The following ASXL3 variants were observed in gnomAD, a reference collection of about 807,000 sequenced individuals.
The protein encoded by ASXL3 is ASXL transcriptional regulator 3, also known as putative Polycomb group protein ASXL3.
Under a neutral mutation model 170.6 loss-of-function variants are expected in ASXL3, and 34 were observed. The observed-to-expected ratio is 0.20, with a 90% CI of 0.15 to 0.27. The LOEUF (loss-of-function observed/expected upper bound fraction) is 0.27. Among genes scored for constraint, ASXL3 ranks in the 10% least tolerant of loss-of-function variants. The pLI is 1.00. For missense variants in ASXL3, 2,592 were observed against 2,695.3 expected (o/e 0.96, Z 0.85); for synonymous variants, 1,002 against 989.1 (o/e 1.01, Z -0.24).
In ASXL3 at chr18:33,744,527, G is replaced by A. The variant is rs763851144; in HGVS notation, c.4679G>A (p.Arg1560Gln). 4.3e-6 allele frequency: 7 copies of A among 1,611,854 alleles called. No individual in the cohort carries two copies. The highest frequency in any genetic ancestry group is 3.3e-5 in the South Asian group (3 of 90,916). Residue 1560 changes from arginine to glutamine, a missense_variant, in exon 12 of 12, where the codon CGA (arginine) becomes CAA (glutamine). Around this residue, in one of 4 missense-constraint regions of ASXL3, gnomAD observed 2,246 missense variants for 2,219.6 expected, o/e 1.01. Transcript: ENST00000269197. ...TTGCCGGCCACCTGCACAAGTCTCC[G>A]AGAATTACCCCTTGTTCCAGATAAA... The part of the protein sequence containing the change: ...KTLPATCTSL[R>Q]ELPLVPDKLN...
chr18:33,578,491 GCCGC>G lies in ASXL3; in HGVS notation c.-139_-136del. On this transcript the variant is annotated 5_prime_UTR_variant, in exon 1 of 12. Coordinates refer to ENST00000269197, the MANE Select transcript of ASXL3 (RefSeq NM_030632.3). ...CGCCGCCGCCGCCGCCGCCGCCGCC[GCCGC>G]CGCCACCGCCCGCGCGCCTCCCCCC... 1 of 279,886 alleles carries G rather than the reference GCCGC, an allele frequency of 3.6e-6. No homozygotes were observed. Among genetic ancestry groups the G allele is most frequent in the Non-Finnish European group, 5.6e-6 (1 of 179,662 alleles). The allele number at this position is 279,886 out of a possible 1,614,324, so 17.3% of individuals were successfully genotyped here.
In ASXL3 at chr18:33,738,361, C is replaced by A. The variant is rs1485736073; in HGVS notation, c.1083-126C>A. 7 of 969,784 alleles carry A rather than the reference C, an allele frequency of 7.2e-6. No individual in the cohort carries two copies. The African/African-American group carries it at 1.0e-4, about 14-fold the overall frequency. The allele number at this position is 969,784 out of a possible 1,614,324, so 60.1% of individuals were successfully genotyped here. A position where few individuals can be genotyped will look rare whatever the true frequency, so the allele number is the denominator to read the frequency against. On this transcript the variant is annotated intron_variant, in intron 10 of 11. Coordinates refer to ENST00000269197, the MANE Select transcript of ASXL3 (RefSeq NM_030632.3). ...TGTAAACTGGTTTACATAAATTAAG[C>A]ATGTTAATGATTATAAATGTAATTT...
At chr18:33,700,926 T>C (rs1384186522) in intron 8 of ASXL3, among the ~76,000 whole-genome samples, 1 of 151,966 alleles carries the variant, frequency 6.6e-6, no homozygotes, top group Non-Finnish European at 1.5e-5. Context: ...ATGGTCATGG[T>C]AGGAGGAAGT....
chr18:33,695,280 T>C (rs1401209093), intron 8 of ASXL3, among the ~76,000 whole-genome samples: 3 of 152,136 alleles, frequency 2.0e-5, no homozygotes, highest in South Asian at 2.1e-4. Context: ...ACTGACACTT[T>C]GGCTTTTTCG....
intron 2 of ASXL3, among the ~76,000 whole-genome samples, chr18:33,635,768 A>C (rs2065753945): frequency 6.6e-6 from 1 of 152,198 alleles, no homozygotes; most frequent in Non-Finnish European, 1.5e-5. Flanking sequence ...TTTGGTATAT[A>C]GAGTCCTTCA....
chr18:33,739,353 G>T lies in ASXL3; in HGVS notation c.1949G>T (p.Cys650Phe), dbSNP rs1396207000. Reference protein sequence around the residue: ...CTPASLETTFCSEVSSTENTD... With the variant: ...CTPASLETTFFSEVSSTENTD... Reference sequence around the variant, plus strand: ...CCAGCCTCCCTTGAGACAACATTTTGTTCTGAGGTATCTAGCACTGAAAAT... The same window carrying T: ...CCAGCCTCCCTTGAGACAACATTTTTTTCTGAGGTATCTAGCACTGAAAAT... Residue 650 changes from cysteine to phenylalanine, a missense_variant, in exon 11 of 12, where the codon TGT (cysteine) becomes TTT (phenylalanine). By Grantham distance (205) the Cys-to-Phe change is radical. This residue lies in a region of ASXL3 where 2,246 missense variants were observed against 2,219.6 expected (regional missense o/e 1.01). Coordinates refer to ENST00000269197, the MANE Select transcript of ASXL3 (RefSeq NM_030632.3). 5 of 1,613,510 alleles carry T rather than the reference G, an allele frequency of 3.1e-6. No homozygotes were observed.
intron 4 of ASXL3, among the ~76,000 whole-genome samples, chr18:33,650,412 G>C (rs117325920): frequency 0.016 from 2,505 of 152,152 alleles, 29 homozygotes; most frequent in Non-Finnish European, 0.027. Context: ...AAAAGAAAAA[G>C]GCTACCACCT....
At chr18:33,735,137 C>T (rs1323245004) in intron 10 of ASXL3, among the ~76,000 whole-genome samples, 1 of 152,212 alleles carries the variant, frequency 6.6e-6, no homozygotes, top group Non-Finnish European at 1.5e-5. Context: ...TATGCTCCAA[C>T]TCCCACATAC....
chr18:33,714,273 C>G (rs1487739868), intron 8 of ASXL3, among the ~76,000 whole-genome samples: 1 of 152,162 alleles, frequency 6.6e-6, no homozygotes, highest in Non-Finnish European at 1.5e-5. Flanking sequence ...AACAATGTCT[C>G]TCTGTTACAT....
intron 10 of ASXL3, among the ~76,000 whole-genome samples, chr18:33,736,620 T>G (rs1304561981): frequency 6.6e-6 from 1 of 152,124 alleles, no homozygotes; most frequent in African/African-American, 2.4e-5. Context: ...TCTGATTTAG[T>G]TTTCAATTTT....
chr18:33,666,374 A>G (rs1212760748), intron 5 of ASXL3, among the ~76,000 whole-genome samples: 1 of 152,176 alleles, frequency 6.6e-6, no homozygotes, highest in East Asian at 1.9e-4. Flanking sequence ...CAGGGCCACC[A>G]CTAGCTAATT....
chr18:33,644,832 A>T (rs1000692278), intron 2 of ASXL3, 62 bp from the exon 3 acceptor site: 1 of 1,018,798 alleles, frequency 9.8e-7, no homozygotes, highest in African/African-American at 1.6e-5. Flanking sequence ...GACTCAGAGA[A>T]CAGTTTTGCA....
intron 1 of ASXL3, among the ~76,000 whole-genome samples, chr18:33,587,748 C>T (rs573993190): frequency 8.0e-4 from 121 of 151,374 alleles, no homozygotes; most frequent in African/African-American, 2.7e-3. Flanking sequence ...AAGCAGTATC[C>T]GCTGAATTTG....
chr18:33,717,550 A>G (rs2067185280), intron 8 of ASXL3, among the ~76,000 whole-genome samples: 1 of 152,142 alleles, frequency 6.6e-6, no homozygotes, highest in African/African-American at 2.4e-5. Flanking sequence ...AAATTGGAGC[A>G]TCTTCAGACA....
At chr18:33,580,009 T>C (rs1037018485) in intron 1 of ASXL3, among the ~76,000 whole-genome samples, 29 of 152,238 alleles carry the variant, frequency 1.9e-4, no homozygotes, top group African/African-American at 7.0e-4. Flanking sequence ...CAAAGGGTTT[T>C]AGATAATTGG....
At chr18:33,681,417 T>G (rs1371690428) in intron 7 of ASXL3, among the ~76,000 whole-genome samples, 1 of 152,116 alleles carries the variant, frequency 6.6e-6, no homozygotes, top group Non-Finnish European at 1.5e-5. Context: ...CCAAAAACAT[T>G]CTTATAATTG....
Position 33,743,244 on chromosome 18 carries a change from G to A in ASXL3, c.3396G>A (p.Pro1132=), listed in dbSNP as rs764233051. 23 of 1,613,718 alleles carry A rather than the reference G, an allele frequency of 1.4e-5. No homozygotes were observed. Among genetic ancestry groups the A allele is most frequent in the East Asian group, 2.2e-5 (1 of 44,884 alleles). ...CTAAAGAGACCCGGTTGCCTCCTCC[G>A]CTCAGCTCAAAGGAAGGGCCTCCAA... ...QTSKETRLPP[P]LSSKEGPPNL... is the part of the protein sequence containing the mutation. The change falls in exon 12 of 12, where the codon CCG becomes CCA. Residue 1132 remains proline, a synonymous_variant. Transcript: ENST00000269197.
Position 33,607,632 on chromosome 18 carries a change from G to C in ASXL3, c.93G>C (p.Lys31Asn). The C allele has an allele frequency of 6.3e-7, 1 of 1,590,558 alleles. No homozygotes were observed. Among genetic ancestry groups the C allele is most frequent in the Non-Finnish European group, 8.6e-7 (1 of 1,167,632 alleles). The change falls in exon 2 of 12, where the codon AAG (lysine) becomes AAC (asparagine). Residue 31 changes from lysine to asparagine, a missense_variant. Lys to Asn is a moderately conservative substitution (Grantham distance 94). This residue lies in a region of ASXL3 where 251 missense variants were observed against 281.9 expected (regional missense o/e 0.89). Coordinates refer to ENST00000269197, the MANE Select transcript of ASXL3 (RefSeq NM_030632.3). ...ACCCCAACTCACCAATGACAGCAAAGCAGATATTGGAAGTCATTCAGAAAG... is the reference window on the plus strand; with the variant it reads ...ACCCCAACTCACCAATGACAGCAAACCAGATATTGGAAGTCATTCAGAAAG... ...EKHPNSPMTAKQILEVIQKEG... is the reference protein window; with the variant it reads ...EKHPNSPMTANQILEVIQKEG...
At chr18:33,633,000 A>C (rs983714628) in intron 2 of ASXL3, among the ~76,000 whole-genome samples, 2 of 151,722 alleles carry the variant, frequency 1.3e-5, no homozygotes, top group Admixed American at 1.3e-4. Context: ...TCGCTCTTCT[A>C]CTCCTCGCTC....
Sources: gnomAD v4.1 joint callset for allele counts (sites outside exome capture counted in the v4.1 genomes callset) on GRCh38, gnomAD v4.1.1 for gene constraint, gnomAD v4.1.1 regional missense constraint, MANE v1.5 for transcripts, NCBI Gene and HGNC (gene_info 2026-07-23, HGNC 2026-07-21) for gene names.